Variants in WDR93 observed in about 807,000 individuals in gnomAD.
The protein encoded by WDR93 is WD repeat domain 93, also known as WD repeat-containing protein 93.
A neutral mutation model predicts 82.9 loss-of-function variants in WDR93; 73 were observed. The observed-to-expected ratio is 0.88, with a 90% CI of 0.73 to 1.07. The LOEUF (loss-of-function observed/expected upper bound fraction) is 1.07. Among genes scored for constraint, WDR93 ranks in the 50% least tolerant of loss-of-function variants. The pLI, the probability that WDR93 is intolerant of heterozygous loss-of-function variation, is 0.00. For synonymous variants in WDR93, 283 were observed against 300.1 expected (o/e 0.94, Z 0.59); for missense variants, 738 against 826.0 (o/e 0.89, Z 1.31).
At chr15:89,699,015 G>A (rs938350954) in intron 1 of WDR93, among the ~76,000 whole-genome samples, 2 of 151,806 alleles carry the variant, frequency 1.3e-5, no homozygotes, top group Non-Finnish European at 2.9e-5. Flanking sequence ...ATGCCACCAC[G>A]CCTGGCTAAT....
chr15:89,736,241 G>A (rs565886894), intron 14 of WDR93, among the ~76,000 whole-genome samples: 3 of 152,288 alleles, frequency 2.0e-5, no homozygotes, highest in East Asian at 1.9e-4. Context: ...AAGCGTGCGC[G>A]GTTGATCCTC....
In WDR93 at chr15:89,722,142, A is replaced by G. The variant is rs758710331; in HGVS notation, c.880+3A>G. The G allele has an allele frequency of 1.3e-6, 2 of 1,587,106 alleles. No homozygotes were observed. Among genetic ancestry groups the G allele is most frequent in the South Asian group, 1.1e-5 (1 of 87,476 alleles). On this transcript the variant is annotated splice_donor_region_variant and intron_variant, in intron 8 of 16. Coordinates refer to ENST00000268130, the MANE Select transcript of WDR93 (RefSeq NM_020212.2). ...CAAACCACCTAAGCCTGTTACAGGTAAGTGTGATTCAAATCTCTCTCCTTT... is the reference window on the plus strand; with the variant it reads ...CAAACCACCTAAGCCTGTTACAGGTGAGTGTGATTCAAATCTCTCTCCTTT...
intron 15 of WDR93, 136 bp downstream of exon 15, chr15:89,737,865 G>A (rs571261906): frequency 2.9e-6 from 4 of 1,376,064 alleles, no homozygotes; most frequent in Non-Finnish European, 4.0e-6. Context: ...CCGCAGCTCA[G>A]TCCTCACAGG....
chr15:89,730,845 C>G (rs1038241037), intron 11 of WDR93, among the ~76,000 whole-genome samples: 6 of 151,744 alleles, frequency 4.0e-5, no homozygotes, highest in Admixed American at 2.6e-4. Flanking sequence ...AAGGTTGCAC[C>G]ACTGCACTCC....
chr15:89,723,493 A>T (rs756792313), intron 8 of WDR93, among the ~76,000 whole-genome samples: 10 of 152,180 alleles, frequency 6.6e-5, no homozygotes, highest in Admixed American at 1.3e-4. Context: ...AAGAATAGAC[A>T]ATTTTCTCTT....
intron 4 of WDR93, among the ~76,000 whole-genome samples, chr15:89,710,177 G>A (rs915083954): frequency 1.1e-4 from 16 of 151,866 alleles, no homozygotes; most frequent in African/African-American, 3.4e-4. Flanking sequence ...AAACAAAAAC[G>A]AAAACAAAAA....
chr15:89,734,017 G>A (rs559986691), intron 13 of WDR93, among the ~76,000 whole-genome samples: 79 of 152,024 alleles, frequency 5.2e-4, no homozygotes, highest in African/African-American at 1.8e-3. Context: ...GTGTGTGCGC[G>A]CGCGCATGTG....
intron 9 of WDR93, 50 bp from the exon 10 acceptor site, chr15:89,728,973 C>G (rs2141683038): frequency 6.5e-7 from 1 of 1,528,230 alleles, no homozygotes; most frequent in African/African-American, 1.4e-5. Context: ...CAGCAGCTCT[C>G]CTTGCCAGGG....
At chr15:89,729,001 C>A in intron 9 of WDR93, 22 bp from the exon 10 acceptor site, 1 of 1,609,534 alleles carries the variant, frequency 6.2e-7, no homozygotes, top group Non-Finnish European at 8.5e-7. Flanking sequence ...ATGGCTCTGA[C>A]TCGTGTGTCT....
intron 1 of WDR93, among the ~76,000 whole-genome samples, chr15:89,692,126 C>T (rs1435629177): frequency 6.6e-6 from 1 of 152,214 alleles, no homozygotes; most frequent in Non-Finnish European, 1.5e-5. Context: ...CCACATCCAA[C>T]GTCTGCCCGT....
chr15:89,723,849 T>C (rs1438388013), intron 8 of WDR93, among the ~76,000 whole-genome samples: 2 of 152,152 alleles, frequency 1.3e-5, no homozygotes, highest in Non-Finnish European at 2.9e-5. Context: ...AAATTCCAGA[T>C]GAACTGTAGA....
chr15:89,731,415 A>T, intron 11 of WDR93, 28 bp from the exon 12 acceptor site: 1 of 1,613,118 alleles, frequency 6.2e-7, no homozygotes. Flanking sequence ...GTCTGGGGGA[A>T]CCGGTTGAGT....
chr15:89,716,737 G>A lies in WDR93; in HGVS notation c.757-174G>A, dbSNP rs577311679. On this transcript the variant is annotated intron_variant, in intron 6 of 16. Coordinates refer to ENST00000268130, the MANE Select transcript of WDR93 (RefSeq NM_020212.2). ...TTTAAGATCCTGAAAAATAGGGATCGTGTGTTGAAGTTCTGCAGGCCAGAG... is the reference window on the plus strand; with the variant it reads ...TTTAAGATCCTGAAAAATAGGGATCATGTGTTGAAGTTCTGCAGGCCAGAG... Among the ~76,000 whole-genome samples, 26 of 152,234 alleles carry A rather than the reference G, an allele frequency of 1.7e-4. 1 individual carries two copies. Among genetic ancestry groups the A allele is most frequent in the South Asian group, 1.0e-3 (5 of 4,832 alleles).
chr15:89,692,547 G>A (rs994971671), intron 1 of WDR93, among the ~76,000 whole-genome samples: 3 of 152,206 alleles, frequency 2.0e-5, no homozygotes, highest in African/African-American at 7.2e-5. Flanking sequence ...GTACAACACA[G>A]AGATATGTTA....
At position 89,738,059 on chromosome 15, in the gene WDR93, C is replaced by A. The variant is rs767780118; in HGVS notation, c.1784C>A (p.Thr595Asn). 1.2e-6 allele frequency: 2 copies of A among 1,611,656 alleles called. No homozygotes were observed. Among genetic ancestry groups the A allele is most frequent in the African/African-American group, 2.7e-5 (2 of 74,806 alleles). Residue 595 changes from threonine to asparagine, a missense_variant, in exon 16 of 17, where the codon ACT (threonine) becomes AAT (asparagine). By Grantham distance (65) the Thr-to-Asn change is moderately conservative. Coordinates refer to ENST00000268130, the MANE Select transcript of WDR93 (RefSeq NM_020212.2). ...FLLRGDYSHE[T>N]ASTDDAGIQY... ...GTCACAGGAGACTATTCACATGAAA[C>A]TGCGTCCACCGACGATGCTGGAATC...
At chr15:89,698,105 C>G (rs551030122) in intron 1 of WDR93, among the ~76,000 whole-genome samples, 2 of 151,750 alleles carry the variant, frequency 1.3e-5, no homozygotes, top group African/African-American at 4.8e-5. Flanking sequence ...AGGATGGTCT[C>G]GATCTTCTGA....
In WDR93 at chr15:89,738,110, T is replaced by C; in HGVS notation, c.1835T>C (p.Phe612Ser). ...GIQYSVFYFNFEACPLLENIS... is the reference protein window; with the variant it reads ...GIQYSVFYFNSEACPLLENIS... ...CAATATTCTGTTTTCTATTTTAATT[T>C]TGAGGCCTGCCCACTCCTGGAAAAT... Residue 612 changes from phenylalanine to serine, a missense_variant, in exon 16 of 17, where the codon TTT becomes TCT. Phe to Ser is a radical substitution (Grantham distance 155, BLOSUM62 -2). Coordinates refer to ENST00000268130, the MANE Select transcript of WDR93 (RefSeq NM_020212.2). 1 of 1,614,136 alleles carries C rather than the reference T, an allele frequency of 6.2e-7. No individual in the cohort carries two copies. The highest frequency in any genetic ancestry group is 8.5e-7 in the Non-Finnish European group (1 of 1,180,018).
intron 7 of WDR93, chr15:89,721,362 TC>T (rs1399638553): frequency 1.3e-5 from 2 of 152,174 alleles, no homozygotes; most frequent in East Asian, 3.8e-4. Flanking sequence ...TTCAAGATCA[TC>T]CTGAGCAGCA....
At chr15:89,740,327 G>C (rs888977195) in intron 16 of WDR93, among the ~76,000 whole-genome samples, 2 of 152,150 alleles carry the variant, frequency 1.3e-5, no homozygotes, top group South Asian at 2.1e-4. Flanking sequence ...GGGTCGCTGG[G>C]AGGCTCTCGG....
Sources: gnomAD v4.1 joint callset for allele counts (sites outside exome capture counted in the v4.1 genomes callset) on GRCh38, gnomAD v4.1.1 for gene constraint, MANE v1.5 for transcripts, NCBI Gene and HGNC (gene_info 2026-07-23, HGNC 2026-07-21) for gene names.